ATXN1: variants seen among roughly 807,000 people sequenced by gnomAD.
ATXN1 encodes the protein ataxin 1.
ATXN1 carries 8 observed loss-of-function variants against 56.4 expected under a neutral mutation model. The observed-to-expected ratio is 0.14, with a 90% CI of 0.08 to 0.26. The LOEUF is 0.26. ATXN1 is among the 10% of genes least tolerant of loss of function. The probability of loss-of-function intolerance (pLI) is 1.00; values close to 1 mark genes in which losing one functional copy is unlikely to be tolerated. For synonymous variants in ATXN1, 514 were observed against 494.6 expected (o/e 1.04, Z -0.52); for missense variants, 987 against 1,106.5 (o/e 0.89, Z 1.53).
intron 2 of ATXN1, among the ~76,000 whole-genome samples, chr6:16,704,032 C>T (rs750655843): frequency 6.6e-6 from 1 of 152,122 alleles, no homozygotes; most frequent in Non-Finnish European, 1.5e-5. Flanking sequence ...AAAAACAAAG[C>T]AATAACAACA....
At chr6:16,561,781 A>C (rs1762123597) in intron 4 of ATXN1, among the ~76,000 whole-genome samples, 1 of 152,134 alleles carries the variant, frequency 6.6e-6, no homozygotes, top group African/African-American at 2.4e-5. Context: ...AGGTGAAAGA[A>C]ACCAGAGATG....
At position 16,438,404 on chromosome 6, in the gene ATXN1, A is replaced by C. The variant is rs76231931; in HGVS notation, c.-161+47568T>G. On this transcript the variant is annotated intron_variant, in intron 6 of 7. Coordinates refer to ENST00000436367, the MANE Select transcript of ATXN1 (RefSeq NM_001128164.2). ...TATTTTTTCTCCATTTTTTAATCCA[A>C]AATATTACAACACATAATAGGACAC... is the stretch of plus-strand genomic sequence containing the variant. Among the ~76,000 whole-genome samples, 285 of 152,366 alleles carry C rather than the reference A, an allele frequency of 1.9e-3. 2 individuals carry two copies. The highest frequency in any genetic ancestry group is 2.8e-3 in the Non-Finnish European group (189 of 68,032).
chr6:16,662,598 T>C (rs1758341762), intron 2 of ATXN1, among the ~76,000 whole-genome samples: 1 of 152,216 alleles, frequency 6.6e-6, no homozygotes, highest in Admixed American at 6.5e-5. Context: ...CCTCCCAAAG[T>C]GCTGGGATTA....
intron 7 of ATXN1, among the ~76,000 whole-genome samples, chr6:16,308,835 G>C (rs1173855485): frequency 1.3e-5 from 2 of 152,148 alleles, no homozygotes; most frequent in East Asian, 3.9e-4. Flanking sequence ...TTCTCATATA[G>C]AGTCATACAT....
intron 6 of ATXN1, among the ~76,000 whole-genome samples, chr6:16,344,314 G>C (rs565557830): frequency 1.2e-4 from 19 of 152,348 alleles, no homozygotes; most frequent in African/African-American, 4.6e-4. Context: ...AATACTGAGT[G>C]TCAACTTGAT....
intron 6 of ATXN1, among the ~76,000 whole-genome samples, chr6:16,347,055 C>CA (rs1333518021): frequency 1.3e-5 from 2 of 152,260 alleles, no homozygotes; most frequent in African/African-American, 4.8e-5. Context: ...AATTTCTCGC[C>CA]AGGCCTTAGC....
chr6:16,427,112 G>A (rs954372351), intron 6 of ATXN1, among the ~76,000 whole-genome samples: 1 of 152,130 alleles, frequency 6.6e-6, no homozygotes, highest in African/African-American at 2.4e-5. Context: ...TCCTTGACTG[G>A]GGGCCATGCT....
chr6:16,705,292 T>C (rs1759382710), intron 2 of ATXN1, among the ~76,000 whole-genome samples: 1 of 152,202 alleles, frequency 6.6e-6, no homozygotes, highest in Non-Finnish European at 1.5e-5. Context: ...GATATAAGGA[T>C]ACCTCGTCCT....
At chr6:16,462,697 T>A (rs926080654) in intron 6 of ATXN1, among the ~76,000 whole-genome samples, 1 of 152,150 alleles carries the variant, frequency 6.6e-6, no homozygotes, top group South Asian at 2.1e-4. Context: ...TAACCGTGAA[T>A]ACCATCTTAA....
chr6:16,720,654 A>G (rs964806896), intron 2 of ATXN1, among the ~76,000 whole-genome samples: 3 of 152,208 alleles, frequency 2.0e-5, no homozygotes, highest in Non-Finnish European at 2.9e-5. Context: ...ATGCTCTTCT[A>G]TTAAAACTCA....
intron 6 of ATXN1, among the ~76,000 whole-genome samples, chr6:16,443,843 A>G (rs753075148): frequency 2.1e-4 from 32 of 152,200 alleles, no homozygotes; most frequent in African/African-American, 3.1e-4. Context: ...ACGGCCAGGC[A>G]CGATGGCTCA....
intron 6 of ATXN1, among the ~76,000 whole-genome samples, chr6:16,391,411 G>A (rs898380761): frequency 3.9e-5 from 6 of 152,144 alleles, no homozygotes; most frequent in African/African-American, 1.4e-4. Context: ...GACATTTGCA[G>A]TCTCTAATGG....
chr6:16,733,637 C>T (rs759608786), intron 2 of ATXN1, among the ~76,000 whole-genome samples: 32 of 151,738 alleles, frequency 2.1e-4, no homozygotes, highest in Non-Finnish European at 4.0e-4. Context: ...AGGCCGAGGT[C>T]GGGAGTTCAA....
intron 2 of ATXN1, among the ~76,000 whole-genome samples, chr6:16,680,338 C>CA (rs1758788536): frequency 6.6e-6 from 1 of 152,202 alleles, no homozygotes; most frequent in Non-Finnish European, 1.5e-5. Flanking sequence ...CCCTACCCCC[C>CA]AAACATGTCC....
chr6:16,730,506 T>TATATATATATATATATAA (rs1367623215), intron 2 of ATXN1, among the ~76,000 whole-genome samples: 2 of 147,132 alleles, frequency 1.4e-5, no homozygotes, highest in African/African-American at 4.9e-5. Context: ...TATATATATA[T>TATATATATATATATATAA]AAATGTATTT....
intron 6 of ATXN1, among the ~76,000 whole-genome samples, chr6:16,368,714 T>C (rs536621067): frequency 4.4e-4 from 67 of 152,352 alleles, no homozygotes; most frequent in African/African-American, 1.6e-3. Context: ...AAAAATGTGA[T>C]GAGGAATAGT....
chr6:16,388,391 G>A (rs1758284032), intron 6 of ATXN1, among the ~76,000 whole-genome samples: 1 of 152,142 alleles, frequency 6.6e-6, no homozygotes, highest in African/African-American at 2.4e-5. Context: ...AAAAACTGAG[G>A]ATCAAGTGGT....
intron 2 of ATXN1, among the ~76,000 whole-genome samples, chr6:16,743,239 T>A (rs1337306347): frequency 6.6e-6 from 1 of 152,236 alleles, no homozygotes; most frequent in Non-Finnish European, 1.5e-5. Flanking sequence ...AACTTAAATA[T>A]GATTGAGCGA....
intron 6 of ATXN1, among the ~76,000 whole-genome samples, chr6:16,445,701 G>A (rs1759620333): frequency 8.4e-6 from 1 of 118,894 alleles, no homozygotes; most frequent in African/African-American, 3.3e-5. Flanking sequence ...AGTCCCCAGA[G>A]TGTGATGTTC....
Sources: allele counts gnomAD v4.1 joint callset (sites outside exome capture counted in the v4.1 genomes callset), GRCh38; gene constraint gnomAD v4.1.1; transcripts MANE v1.5; gene names NCBI Gene and HGNC (gene_info 2026-07-23, HGNC 2026-07-21).